CAMTA1: variants seen among roughly 807,000 people sequenced by gnomAD.
The protein encoded by CAMTA1 is calmodulin binding transcription activator 1, also known as calmodulin-binding transcription activator 1.
A neutral mutation model predicts 170.9 loss-of-function variants in CAMTA1; 27 were observed. The ratio of observed to expected loss-of-function variants is 0.16; its 90% CI spans 0.12 to 0.22. CAMTA1 has a LOEUF of 0.22. Among genes scored for constraint, CAMTA1 ranks in the 10% least tolerant of loss-of-function variants. The probability of loss-of-function intolerance (pLI) is 1.00; values close to 1 mark genes in which losing one functional copy is unlikely to be tolerated. For missense variants in CAMTA1, 1,619 were observed against 2,217.2 expected (o/e 0.73, Z 5.42); for synonymous variants, 833 against 891.5 (o/e 0.93, Z 1.17).
At chr1:7,551,234 T>C (rs973525063) in intron 6 of CAMTA1, among the ~76,000 whole-genome samples, 1 of 152,174 alleles carries the variant, frequency 6.6e-6, no homozygotes, top group African/African-American at 2.4e-5. Context: ...TATCACATCC[T>C]GTGCCCAGCT....
chr1:6,804,550 CT>C (rs775620352), intron 1 of CAMTA1, among the ~76,000 whole-genome samples: 3 of 152,036 alleles, frequency 2.0e-5, no homozygotes, highest in Admixed American at 6.6e-5. Flanking sequence ...TGCTTTATTT[CT>C]TTATGCATAT....
intron 3 of CAMTA1, among the ~76,000 whole-genome samples, chr1:6,876,329 G>A (rs1348789300): frequency 1.3e-5 from 2 of 151,854 alleles, no homozygotes; most frequent in African/African-American, 4.8e-5. Context: ...CAGAGTTGAC[G>A]TGCAAATGAA....
In CAMTA1 at chr1:7,635,685, G is replaced by A. The variant is rs902153941; in HGVS notation, c.511-4715G>A. ...TGACTCTCAGATCCAGGCCCAACCC[G>A]GGCATTCCTGCAGGCCGCCCTGCTG... is the stretch of plus-strand genomic sequence containing the variant. On this transcript the variant is annotated intron_variant, in intron 6 of 22. Coordinates refer to ENST00000303635, the MANE Select transcript of CAMTA1 (RefSeq NM_015215.4). This position sits in a 1 kb window ranked among gnomAD's most constrained non-coding sequence, Gnocchi z 4.4. Among the ~76,000 whole-genome samples the A allele has an allele frequency of 2.0e-5, 3 of 151,462 alleles. No homozygotes were observed. The highest frequency in any genetic ancestry group is 4.4e-5 in the Non-Finnish European group (3 of 67,958).
intron 3 of CAMTA1, among the ~76,000 whole-genome samples, chr1:6,928,459 C>G (rs1683761821): frequency 6.6e-6 from 1 of 152,150 alleles, no homozygotes; most frequent in Non-Finnish European, 1.5e-5. Flanking sequence ...ACTCAGGTGT[C>G]TTAGGATAGG....
At chr1:7,316,291 A>C (rs1236544042) in intron 5 of CAMTA1, among the ~76,000 whole-genome samples, 1 of 152,166 alleles carries the variant, frequency 6.6e-6, no homozygotes, top group Non-Finnish European at 1.5e-5. Context: ...GACACCAGGC[A>C]TTGGATTTAA....
rs1052577982 is a variant in CAMTA1 at position 7,681,516 on chromosome 1, T to C, written c.2914+3783T>C. Among the ~76,000 whole-genome samples the C allele has an allele frequency of 1.3e-5, 2 of 152,158 alleles. No homozygotes were observed. Among genetic ancestry groups the C allele is most frequent in the Non-Finnish European group, 2.9e-5 (2 of 68,026 alleles). Reference sequence around the variant, plus strand: ...GCGGATTCAGAACAAATTTCCTCTGTCCTGACCTGACCCCAGGCCATTTGC... The same window carrying C: ...GCGGATTCAGAACAAATTTCCTCTGCCCTGACCTGACCCCAGGCCATTTGC... On this transcript the variant is annotated intron_variant, in intron 11 of 22. Transcript: ENST00000303635. The surrounding 1 kb of genome is among the most constrained non-coding windows in gnomAD (Gnocchi z 4.6).
chr1:7,411,283 C>G (rs1240293761), intron 5 of CAMTA1, among the ~76,000 whole-genome samples: 1 of 152,082 alleles, frequency 6.6e-6, no homozygotes, highest in Non-Finnish European at 1.5e-5. Flanking sequence ...CCCTCTTTGG[C>G]GCAATGACAG....
chr1:6,789,912 C>G (rs377097127), intron 1 of CAMTA1, among the ~76,000 whole-genome samples: 2 of 146,542 alleles, frequency 1.4e-5, no homozygotes, highest in East Asian at 4.3e-4. Context: ...CAGGTTCAAG[C>G]AATTCTCTTG....
chr1:7,728,466 G>GATTGGTTCCAGAGCACC (rs1553267484), intron 11 of CAMTA1, among the ~76,000 whole-genome samples: 1 of 152,238 alleles, frequency 6.6e-6, no homozygotes, highest in African/African-American at 2.4e-5. Flanking sequence ...CTCAGTTGCA[G>GATTGGTTCCAGAGCACC]ATTGGTTCCA....
intron 3 of CAMTA1, among the ~76,000 whole-genome samples, chr1:7,090,212 T>G (rs538243695): frequency 6.6e-6 from 1 of 152,346 alleles, no homozygotes; most frequent in Non-Finnish European, 1.5e-5. Context: ...TCACCTGCTC[T>G]GCTTACCGGG....
At chr1:7,241,831 G>C (rs567068750) in intron 4 of CAMTA1, among the ~76,000 whole-genome samples, 1 of 152,224 alleles carries the variant, frequency 6.6e-6, no homozygotes, top group South Asian at 2.1e-4. Context: ...AAATGCAAGA[G>C]CTAAAGATAT....
intron 4 of CAMTA1, among the ~76,000 whole-genome samples, chr1:7,172,417 CG>C (rs1354264512): frequency 6.6e-6 from 1 of 152,146 alleles, no homozygotes; most frequent in Non-Finnish European, 1.5e-5. Context: ...CCCAAAGTGC[CG>C]GGATTACAGG....
intron 6 of CAMTA1, among the ~76,000 whole-genome samples, chr1:7,598,975 T>G (rs2095420981): frequency 6.6e-6 from 1 of 152,226 alleles, no homozygotes; most frequent in Admixed American, 6.5e-5. Flanking sequence ...TGGCTTTTGT[T>G]GCCATTGCTT....
At chr1:7,421,155 C>CT (rs751377531) in intron 5 of CAMTA1, among the ~76,000 whole-genome samples, 2,222 of 144,276 alleles carry the variant, frequency 0.015, 21 homozygotes, top group East Asian at 0.041. Context: ...TTCTTTCTTT[C>CT]TTTTTTTTTT....
In CAMTA1 at chr1:7,456,692, G is replaced by T. The variant is rs756454042; in HGVS notation, c.439-11138G>T. Among the ~76,000 whole-genome samples the T allele has an allele frequency of 2.6e-5, 4 of 152,236 alleles. No individual in the cohort carries two copies. The highest frequency in any genetic ancestry group is 4.4e-5 in the Non-Finnish European group (3 of 68,044). On this transcript the variant is annotated intron_variant, in intron 5 of 22. Transcript: ENST00000303635. This position sits in a 1 kb window ranked among gnomAD's most constrained non-coding sequence, Gnocchi z 4.9. The stretch of plus-strand genomic sequence containing the variant: ...CAGGACAGATTTCTGAGACACGAAA[G>T]GTGCAGGTCTCCAGCTCCCGCTTGG...
intron 5 of CAMTA1, among the ~76,000 whole-genome samples, chr1:7,417,021 C>T (rs1410024335): frequency 6.6e-6 from 1 of 152,234 alleles, no homozygotes. Context: ...TGCTAGAGGT[C>T]CACTCCAGAT....
chr1:7,637,118 A>G (rs2095717920), intron 6 of CAMTA1, among the ~76,000 whole-genome samples: 1 of 152,234 alleles, frequency 6.6e-6, no homozygotes. Context: ...CTCATGCAGG[A>G]ACTCCACGGT....
rs984693930 is a variant in CAMTA1, at chr1:7,565,879, C to A, written c.511-74521C>A. On this transcript the variant is annotated intron_variant, in intron 6 of 22. Transcript: ENST00000303635. The surrounding 1 kb of genome is among the most constrained non-coding windows in gnomAD (Gnocchi z 4.5). ...GTTGGGGGCTGGTGAGGACTCCCTT[C>A]CTGGCTTGCAGACAGCCGCCTTCTC... is the stretch of plus-strand genomic sequence containing the variant. Among the ~76,000 whole-genome samples, 1 of 152,012 alleles carries A rather than the reference C, an allele frequency of 6.6e-6. No individual in the cohort carries two copies. Among genetic ancestry groups the A allele is most frequent in the African/African-American group, 2.4e-5 (1 of 41,362 alleles).
At chr1:7,349,002 A>G (rs1034335611) in intron 5 of CAMTA1, among the ~76,000 whole-genome samples, 1 of 152,184 alleles carries the variant, frequency 6.6e-6, no homozygotes, top group Non-Finnish European at 1.5e-5. Context: ...GCCACAGTGA[A>G]TCATTTCTTC....
Sources: gnomAD v4.1 joint callset for allele counts (sites outside exome capture counted in the v4.1 genomes callset) on GRCh38, gnomAD v4.1.1 for gene constraint, Gnocchi (gnomAD v3.1) non-coding constraint, MANE v1.5 for transcripts, NCBI Gene and HGNC (gene_info 2026-07-23, HGNC 2026-07-21) for gene names.